Variants in ADAMTS6 observed in about 807,000 individuals in gnomAD.
ADAMTS6 encodes the protein A disintegrin and metalloproteinase with thrombospondin motifs 6.
A neutral mutation model predicts 144.3 loss-of-function variants in ADAMTS6; 23 were observed. The observed-to-expected ratio is 0.16, with a 90% CI of 0.11 to 0.23. ADAMTS6 has a LOEUF of 0.23. ADAMTS6 is among the 10% of genes least tolerant of loss of function. The pLI is 1.00. For missense variants in ADAMTS6, 999 were observed against 1,379.6 expected (o/e 0.72, Z 4.37); for synonymous variants, 444 against 457.5 (o/e 0.97, Z 0.38).
chr5:65,180,112 T>G (rs1198390363), intron 22 of ADAMTS6, among the ~76,000 whole-genome samples: 1 of 152,150 alleles, frequency 6.6e-6, no homozygotes, highest in Non-Finnish European at 1.5e-5. Context: ...TGAGGCTATC[T>G]AGGTGAACAC....
intron 23 of ADAMTS6, among the ~76,000 whole-genome samples, chr5:65,172,220 CT>C (rs1478927234): frequency 6.6e-6 from 1 of 151,116 alleles, no homozygotes; most frequent in Non-Finnish European, 1.5e-5. Context: ...CGAGACCATC[CT>C]GGCTAAGATG....
Position 65,466,977 on chromosome 5 carries a change from G to A in ADAMTS6, c.462+3801C>T, listed in dbSNP as rs1216960051. On this transcript the variant is annotated intron_variant, in intron 3 of 24. Coordinates refer to ENST00000381055, the MANE Select transcript of ADAMTS6 (RefSeq NM_197941.4). ...GAATGGCGTGGACCCGGGAGGCGGA[G>A]CTTGCAGTGAGCCAAGATTGCGCCA... Among the ~76,000 whole-genome samples the A allele has an allele frequency of 2.6e-5, 4 of 151,400 alleles. No individual in the cohort carries two copies. In the South Asian group the frequency reaches 6.3e-4, roughly 24 times the overall value.
chr5:65,289,927 G>T (rs1366689981), intron 11 of ADAMTS6, among the ~76,000 whole-genome samples: 1 of 152,134 alleles, frequency 6.6e-6, no homozygotes. Context: ...TATGATTAAA[G>T]TTCGACTGAC....
chr5:65,384,327 A>G (rs1272895607), intron 7 of ADAMTS6, among the ~76,000 whole-genome samples: 5 of 152,142 alleles, frequency 3.3e-5, no homozygotes, highest in African/African-American at 7.2e-5. Flanking sequence ...ACATTTTACT[A>G]TAAGGAGTCA....
chr5:65,294,446 G>A (rs1170492304), intron 10 of ADAMTS6, among the ~76,000 whole-genome samples: 1 of 152,180 alleles, frequency 6.6e-6, no homozygotes, highest in Non-Finnish European at 1.5e-5. Context: ...CTGGTCTCAA[G>A]AGATCTTCCT....
intron 7 of ADAMTS6, among the ~76,000 whole-genome samples, chr5:65,416,777 A>C (rs992918802): frequency 6.7e-6 from 1 of 149,824 alleles, no homozygotes; most frequent in African/African-American, 2.5e-5. Flanking sequence ...CAACAACAAC[A>C]ACAAAATAAA....
chr5:65,163,959 G>A lies in ADAMTS6; in HGVS notation c.3244+6658C>T, dbSNP rs373551193. ...ATTTTAAAAAGTCACGATTGTGGCC[G>A]GGGGGTGGGGCATCTGCTGTTAATA... On this transcript the variant is annotated intron_variant, in intron 24 of 24. Transcript: ENST00000381055. Among the ~76,000 whole-genome samples, 16 of 152,214 alleles carry A rather than the reference G, an allele frequency of 1.1e-4. No individual in the cohort carries two copies. In the East Asian group the frequency reaches 1.4e-3, roughly 13 times the overall value.
At chr5:65,411,259 C>T (rs1376527502) in intron 7 of ADAMTS6, among the ~76,000 whole-genome samples, 2 of 152,096 alleles carry the variant, frequency 1.3e-5, no homozygotes, top group African/African-American at 2.4e-5. Flanking sequence ...TGGGAGTGCA[C>T]GTATCTCTTC....
chr5:65,406,722 T>C (rs966813943), intron 7 of ADAMTS6, among the ~76,000 whole-genome samples: 12 of 152,126 alleles, frequency 7.9e-5, no homozygotes, highest in African/African-American at 2.9e-4. Context: ...GAAGGAATGG[T>C]ACCAGCTCCT....
chr5:65,358,468 T>C (rs1380148059), intron 7 of ADAMTS6, among the ~76,000 whole-genome samples: 1 of 151,982 alleles, frequency 6.6e-6, no homozygotes, highest in Non-Finnish European at 1.5e-5. Context: ...AATATACAGA[T>C]TCTATACAAT....
At chr5:65,411,436 G>A (rs528376985) in intron 7 of ADAMTS6, among the ~76,000 whole-genome samples, 5 of 152,254 alleles carry the variant, frequency 3.3e-5, no homozygotes, top group Admixed American at 1.3e-4. Flanking sequence ...TTATTTAGAA[G>A]TGGAAAAGTT....
At chr5:65,439,624 T>C (rs1028778668) in intron 7 of ADAMTS6, among the ~76,000 whole-genome samples, 1 of 152,012 alleles carries the variant, frequency 6.6e-6, no homozygotes, top group Non-Finnish European at 1.5e-5. Context: ...ACAAGACAAG[T>C]AAATAGAACG....
chr5:65,164,972 G>A (rs1345766017), intron 24 of ADAMTS6, among the ~76,000 whole-genome samples: 2 of 42,364 alleles, frequency 4.7e-5, no homozygotes, highest in Admixed American at 2.6e-4. Flanking sequence ...AACGCAGAGC[G>A]CCTCTCCTCC....
intron 7 of ADAMTS6, among the ~76,000 whole-genome samples, chr5:65,336,291 G>A (rs1186389104): frequency 6.6e-6 from 1 of 152,056 alleles, no homozygotes; most frequent in East Asian, 1.9e-4. Context: ...AACTCTTTCA[G>A]CTATGCCTGT....
rs189794999 is a variant in ADAMTS6, at chr5:65,319,865, A to G, written c.1223+9513T>C. 7.8e-3 allele frequency among the ~76,000 whole-genome samples: 1,181 copies of G among 152,218 alleles called. 12 individuals are homozygous for G. Among genetic ancestry groups the G allele is most frequent in the African/African-American group, 0.027 (1,114 of 41,546 alleles). Reference sequence around the variant, plus strand: ...TTTTTGTTTGTTTGTTTTTCTGAGAAGGAGTTTCACTCTTGTTGCCCAGGC... The same window carrying G: ...TTTTTGTTTGTTTGTTTTTCTGAGAGGGAGTTTCACTCTTGTTGCCCAGGC... On this transcript the variant is annotated intron_variant, in intron 9 of 24. Transcript: ENST00000381055.
chr5:65,225,122 T>G, intron 16 of ADAMTS6, 75 bp from the exon 17 acceptor site: 1 of 1,386,738 alleles, frequency 7.2e-7, no homozygotes, highest in Non-Finnish European at 9.6e-7. Context: ...TACATATAAC[T>G]TATTTATTTG....
chr5:65,248,912 C>T (rs1264866815), intron 14 of ADAMTS6, among the ~76,000 whole-genome samples: 1 of 152,012 alleles, frequency 6.6e-6, no homozygotes, highest in Non-Finnish European at 1.5e-5. Context: ...ATAATAAATA[C>T]AATATACCAT....
At chr5:65,326,376 T>C (rs1239157324) in intron 9 of ADAMTS6, among the ~76,000 whole-genome samples, 1 of 152,176 alleles carries the variant, frequency 6.6e-6, no homozygotes, top group Non-Finnish European at 1.5e-5. Flanking sequence ...TAAACCTCAA[T>C]TTTTCATTTG....
chr5:65,414,235 T>C (rs1273297749), intron 7 of ADAMTS6, among the ~76,000 whole-genome samples: 1 of 152,128 alleles, frequency 6.6e-6, no homozygotes, highest in Non-Finnish European at 1.5e-5. Context: ...AAACCTAGTA[T>C]AAAAACACTC....
Sources: allele counts gnomAD v4.1 joint callset (sites outside exome capture counted in the v4.1 genomes callset), GRCh38; gene constraint gnomAD v4.1.1; transcripts MANE v1.5; gene names NCBI Gene and HGNC (gene_info 2026-07-23, HGNC 2026-07-21).